GALNT18: variants seen among roughly 807,000 people sequenced by gnomAD.
GALNT18 encodes the protein polypeptide N-acetylgalactosaminyltransferase 18, also known as GalNAc-transferase 18.
GALNT18 carries 44 observed loss-of-function variants against 69.5 expected under a neutral mutation model. The ratio of observed to expected loss-of-function variants is 0.63; its 90% CI spans 0.50 to 0.81. The LOEUF is 0.81. Ranked by LOEUF, GALNT18 falls within the 40% of genes least tolerant of loss-of-function variation. The pLI, the probability that GALNT18 is intolerant of heterozygous loss-of-function variation, is 0.00. For synonymous variants in GALNT18, 364 were observed against 318.2 expected, an observed-to-expected ratio of 1.14 and a Z score of -1.53; for missense variants, 715 against 810.0, an observed-to-expected ratio of 0.88 and a Z score of 1.42.
intron 9 of GALNT18, among the ~76,000 whole-genome samples, chr11:11,296,657 T>A (rs963599319): frequency 6.6e-6 from 1 of 152,160 alleles, no homozygotes; most frequent in East Asian, 1.9e-4. Context: ...TCTGAAGAGT[T>A]TAGGGAGATG....
At chr11:11,357,997 CTGTGATTTTCCA>C (rs932242449) in intron 6 of GALNT18, among the ~76,000 whole-genome samples, 1 of 152,198 alleles carries the variant, frequency 6.6e-6, no homozygotes, top group African/African-American at 2.4e-5. Flanking sequence ...TCCCTAACAT[CTGTGATTTTCCA>C]CCAATACAGC....
chr11:11,585,801 GTTTTTTT>G (rs57051547), intron 1 of GALNT18, among the ~76,000 whole-genome samples: 5 of 115,896 alleles, frequency 4.3e-5, no homozygotes, highest in African/African-American at 9.9e-5. Context: ...TTCTCAATAA[GTTTTTTT>G]TTTTTTTTTT....
rs1266383209 is a variant in GALNT18 at position 11,541,259 on chromosome 11, T to A, written c.235+80100A>T. On this transcript the variant is annotated intron_variant, in intron 1 of 10. Coordinates refer to ENST00000227756, the MANE Select transcript of GALNT18 (RefSeq NM_198516.3). The surrounding 1 kb of genome is among the most constrained non-coding windows in gnomAD (Gnocchi z 4.8). Reference sequence around the variant, plus strand: ...TAATCGCCTGTGTTTTTGTGAACACTTTAGACCCAAAATCATCCAAACTCC... The same window carrying A: ...TAATCGCCTGTGTTTTTGTGAACACATTAGACCCAAAATCATCCAAACTCC... Among the ~76,000 whole-genome samples, 1 of 152,186 alleles carries A rather than the reference T, an allele frequency of 6.6e-6. No individual in the cohort carries two copies. Among genetic ancestry groups the A allele is most frequent in the African/African-American group, 2.4e-5 (1 of 41,504 alleles).
At chr11:11,462,612 C>T (rs1405906200) in intron 1 of GALNT18, among the ~76,000 whole-genome samples, 1 of 152,062 alleles carries the variant, frequency 6.6e-6, no homozygotes, top group African/African-American at 2.4e-5. Flanking sequence ...CTTTAGGCTG[C>T]CCTTTTCTCA....
At chr11:11,368,755 C>A (rs1850830238) in intron 6 of GALNT18, among the ~76,000 whole-genome samples, 1 of 152,002 alleles carries the variant, frequency 6.6e-6, no homozygotes, top group Non-Finnish European at 1.5e-5. Flanking sequence ...TCTTCTTTTT[C>A]TAAGTATATA....
rs1322555565 is a variant in GALNT18 at position 11,616,654 on chromosome 11, A to G, written c.235+4705T>C. Among the ~76,000 whole-genome samples, 1 of 152,242 alleles carries G rather than the reference A, an allele frequency of 6.6e-6. No individual in the cohort carries two copies. The highest frequency in any genetic ancestry group is 1.5e-5 in the Non-Finnish European group (1 of 68,038). On this transcript the variant is annotated intron_variant, in intron 1 of 10. Transcript: ENST00000227756. This position sits in a 1 kb window ranked among gnomAD's most constrained non-coding sequence, Gnocchi z 4.4. ...ATTTAATCAATTCTCCAGATTAACT[A>G]TGCTTGCCATTCCCTCTGTAACAAA...
intron 1 of GALNT18, among the ~76,000 whole-genome samples, chr11:11,530,359 C>T (rs950757616): frequency 6.6e-5 from 10 of 152,178 alleles, no homozygotes; most frequent in African/African-American, 9.7e-5. Context: ...CCTGTCTCTG[C>T]CCCCAGGAGA....
At chr11:11,364,260 C>T (rs1012867637) in intron 6 of GALNT18, among the ~76,000 whole-genome samples, 4 of 152,246 alleles carry the variant, frequency 2.6e-5, no homozygotes, top group Middle Eastern at 6.8e-3. Context: ...TATTTGGTAA[C>T]CCCTAAGGAA....
intron 6 of GALNT18, among the ~76,000 whole-genome samples, chr11:11,360,627 A>G (rs1453620057): frequency 2.6e-5 from 4 of 151,752 alleles, no homozygotes; most frequent in African/African-American, 7.3e-5. Flanking sequence ...TCCATAACAC[A>G]TTTTATAATT....
chr11:11,491,100 C>A lies in GALNT18; in HGVS notation c.236-42164G>T, dbSNP rs184880095. Among the ~76,000 whole-genome samples the A allele has an allele frequency of 2.5e-4, 38 of 152,266 alleles. No homozygotes were observed. In the East Asian group the frequency reaches 5.4e-3, roughly 22 times the overall value. ...TGGTCATCTCTAGTCCAAATCACTTCTCTCCCTGGTCCAGGTGGGGTCGTT... is the reference window on the plus strand; with the variant it reads ...TGGTCATCTCTAGTCCAAATCACTTATCTCCCTGGTCCAGGTGGGGTCGTT... On this transcript the variant is annotated intron_variant, in intron 1 of 10. Coordinates refer to ENST00000227756, the MANE Select transcript of GALNT18 (RefSeq NM_198516.3).
At chr11:11,274,267 T>C (rs1412764123) in intron 10 of GALNT18, among the ~76,000 whole-genome samples, 3 of 152,194 alleles carry the variant, frequency 2.0e-5, no homozygotes, top group Non-Finnish European at 4.4e-5. Flanking sequence ...GGGCAGACAC[T>C]GAGCTAGCTG....
chr11:11,575,005 T>C (rs1858886385), intron 1 of GALNT18, among the ~76,000 whole-genome samples: 1 of 152,244 alleles, frequency 6.6e-6, no homozygotes, highest in African/African-American at 2.4e-5. Flanking sequence ...TTCATCTATC[T>C]AGCATGTGCC....
At chr11:11,306,262 C>T (rs552578482) in intron 9 of GALNT18, among the ~76,000 whole-genome samples, 8 of 151,880 alleles carry the variant, frequency 5.3e-5, no homozygotes, top group South Asian at 4.2e-4. Context: ...TGCATGTGCA[C>T]GAGTATGCAC....
intron 10 of GALNT18, among the ~76,000 whole-genome samples, chr11:11,275,529 T>G (rs1037543909): frequency 3.9e-5 from 6 of 152,216 alleles, no homozygotes; most frequent in Non-Finnish European, 8.8e-5. Context: ...AGAAGCTCTT[T>G]AGTTTAATTA....
intron 1 of GALNT18, among the ~76,000 whole-genome samples, chr11:11,559,368 A>G (rs1419099226): frequency 6.6e-6 from 1 of 152,186 alleles, no homozygotes; most frequent in African/African-American, 2.4e-5. Flanking sequence ...TACTGTTTCC[A>G]TCACACCCCA....
At chr11:11,303,749 G>A (rs1420855060) in intron 9 of GALNT18, among the ~76,000 whole-genome samples, 1 of 152,232 alleles carries the variant, frequency 6.6e-6, no homozygotes, top group Non-Finnish European at 1.5e-5. Context: ...CTGAGGAACA[G>A]CTGCACCCTT....
chr11:11,488,547 TG>T (rs1856690954), intron 1 of GALNT18, among the ~76,000 whole-genome samples: 1 of 152,168 alleles, frequency 6.6e-6, no homozygotes, highest in Non-Finnish European at 1.5e-5. Context: ...TGGACCTCTT[TG>T]GGGGCCATCA....
intron 1 of GALNT18, among the ~76,000 whole-genome samples, chr11:11,521,466 T>C (rs1287079648): frequency 6.6e-6 from 1 of 151,968 alleles, no homozygotes; most frequent in Non-Finnish European, 1.5e-5. Flanking sequence ...TCATAGTGAC[T>C]TGCTCTCCAG....
Position 11,505,572 on chromosome 11 carries a change from C to T in GALNT18, c.236-56636G>A, listed in dbSNP as rs1857053133. Among the ~76,000 whole-genome samples, 1 of 152,136 alleles carries T rather than the reference C, an allele frequency of 6.6e-6. No homozygotes were observed. The highest frequency in any genetic ancestry group is 2.4e-5 in the African/African-American group (1 of 41,418). ...TATTACAGCTTCCATTGCCTTACCA[C>T]CTCCTCCCCCATCAATGCCACATCA... is the stretch of plus-strand genomic sequence containing the variant. On this transcript the variant is annotated intron_variant, in intron 1 of 10. Transcript: ENST00000227756. This position sits in a 1 kb window ranked among gnomAD's most constrained non-coding sequence, Gnocchi z 4.6.
Sources: gnomAD v4.1 joint callset for allele counts (sites outside exome capture counted in the v4.1 genomes callset) on GRCh38, gnomAD v4.1.1 for gene constraint, Gnocchi (gnomAD v3.1) non-coding constraint, MANE v1.5 for transcripts, NCBI Gene and HGNC (gene_info 2026-07-23, HGNC 2026-07-21) for gene names.